The following MARCHF1 variants were observed in gnomAD, a reference collection of about 807,000 sequenced individuals.
MARCHF1 encodes the protein E3 ubiquitin-protein ligase MARCHF1.
Under a neutral mutation model 54.2 loss-of-function variants are expected in MARCHF1, and 40 were observed. That is an observed-to-expected ratio of 0.74 (90% CI 0.57 to 0.96). The LOEUF (loss-of-function observed/expected upper bound fraction) is 0.96, where lower values mean the gene tolerates loss of function less well. Ranked by LOEUF, MARCHF1 falls within the 40% of genes least tolerant of loss-of-function variation. MARCHF1 has a pLI of 0.00. For synonymous variants in MARCHF1, 236 were observed against 236.3 expected (o/e 1.00, Z 0.01); for missense variants, 586 against 656.5 (o/e 0.89, Z 1.17).
chr4:163,839,614 T>C (rs561299200), intron 4 of MARCHF1, among the ~76,000 whole-genome samples: 1 of 152,240 alleles, frequency 6.6e-6, no homozygotes, highest in East Asian at 1.9e-4. Context: ...GACTACATAT[T>C]GCATGATTCA....
At chr4:163,795,108 T>G (rs189996181) in intron 4 of MARCHF1, among the ~76,000 whole-genome samples, 8 of 152,234 alleles carry the variant, frequency 5.3e-5, no homozygotes, top group Non-Finnish European at 7.3e-5. Context: ...ATTTGTGAAA[T>G]TGATTTATCC....
chr4:164,225,509 C>T (rs1194427643), intron 1 of MARCHF1, among the ~76,000 whole-genome samples: 1 of 151,962 alleles, frequency 6.6e-6, no homozygotes, highest in Non-Finnish European at 1.5e-5. Flanking sequence ...GAAAAATGCA[C>T]TGTAATAATT....
At chr4:163,981,685 T>C (rs1011204566) in intron 3 of MARCHF1, among the ~76,000 whole-genome samples, 4 of 152,142 alleles carry the variant, frequency 2.6e-5, no homozygotes, top group Admixed American at 2.6e-4. Flanking sequence ...CATGCTGGCA[T>C]TGTCAGTGCT....
At chr4:163,802,768 G>A (rs1439794437) in intron 4 of MARCHF1, among the ~76,000 whole-genome samples, 1 of 152,160 alleles carries the variant, frequency 6.6e-6, no homozygotes, top group South Asian at 2.1e-4. Flanking sequence ...AAGAAAGATA[G>A]ATAACAAAAT....
intron 1 of MARCHF1, among the ~76,000 whole-genome samples, chr4:164,266,162 T>C (rs935140058): frequency 3.9e-5 from 6 of 152,168 alleles, no homozygotes; most frequent in African/African-American, 7.2e-5. Flanking sequence ...TCATGAACAC[T>C]ATCTGGTATG....
chr4:163,844,456 G>A (rs1329546218), intron 4 of MARCHF1, among the ~76,000 whole-genome samples: 4 of 151,836 alleles, frequency 2.6e-5, no homozygotes, highest in African/African-American at 9.7e-5. Context: ...TTTTGTTTTT[G>A]TTGCAACTGC....
chr4:163,874,826 C>T (rs1477772090), intron 3 of MARCHF1, among the ~76,000 whole-genome samples: 1 of 152,074 alleles, frequency 6.6e-6, no homozygotes, highest in Non-Finnish European at 1.5e-5. Context: ...CACTGAGTTG[C>T]TAAAATGCCC....
chr4:163,529,633 A>G (rs191069120), intron 9 of MARCHF1: 2 of 152,060 alleles, frequency 1.3e-5, no homozygotes, highest in African/African-American at 2.4e-5. Context: ...AAGATTTAGG[A>G]TTTTAGCCAT....
intron 2 of MARCHF1, among the ~76,000 whole-genome samples, chr4:164,050,688 GT>G (rs11317512): frequency 0.23 from 34,837 of 151,978 alleles, 4,072 homozygotes; most frequent in Middle Eastern, 0.41. Context: ...ATATCCGCAA[GT>G]TGGGAGGCTA....
In MARCHF1 at chr4:163,585,736, A is replaced by G. The variant is rs113680459; in HGVS notation, c.1191+13T>C. 7.9e-5 allele frequency: 123 copies of G among 1,547,938 alleles called. 2 individuals carry two copies. In the African/African-American group the frequency reaches 1.4e-3, roughly 17 times the overall value. ...AATGGTCCCTCCCAAACCAATTCCT[A>G]TGGATACTGTACCTTCCGGAGGGGT... On this transcript the variant is annotated intron_variant, in intron 8 of 9. Coordinates refer to ENST00000514618, the MANE Select transcript of MARCHF1 (RefSeq NM_001394959.1).
chr4:163,788,184 TA>T (rs201109168), intron 4 of MARCHF1, among the ~76,000 whole-genome samples: 3,372 of 152,002 alleles, frequency 0.022, 101 homozygotes, highest in African/African-American at 0.076. Flanking sequence ...AGCTGTACAT[TA>T]AAAAATGATT....
intron 1 of MARCHF1, among the ~76,000 whole-genome samples, chr4:164,240,043 G>C (rs1405996219): frequency 6.6e-6 from 1 of 152,130 alleles, no homozygotes; most frequent in Non-Finnish European, 1.5e-5. Context: ...CATTTTCTAG[G>C]TGCTAAGCAT....
intron 1 of MARCHF1, among the ~76,000 whole-genome samples, chr4:164,299,552 G>T (rs1331815495): frequency 6.6e-6 from 1 of 152,110 alleles, no homozygotes. Context: ...TTGGATTTTT[G>T]CCCACCAAAT....
At chr4:163,740,454 T>G (rs1746163377) in intron 4 of MARCHF1, among the ~76,000 whole-genome samples, 2 of 152,208 alleles carry the variant, frequency 1.3e-5, no homozygotes. Flanking sequence ...GCAATAGCAG[T>G]ACCCAGAGTG....
intron 3 of MARCHF1, among the ~76,000 whole-genome samples, chr4:163,975,715 A>G (rs1266372048): frequency 6.6e-6 from 1 of 152,342 alleles, no homozygotes; most frequent in Non-Finnish European, 1.5e-5. Flanking sequence ...TCTTAAGAGC[A>G]TCTCTGATTG....
At chr4:164,051,298 C>T (rs13123163) in intron 2 of MARCHF1, among the ~76,000 whole-genome samples, 16,480 of 152,202 alleles carry the variant, frequency 0.11, 1,063 homozygotes, top group Middle Eastern at 0.18. Context: ...TGCATAGCCA[C>T]TGAAATGCAT....
intron 3 of MARCHF1, among the ~76,000 whole-genome samples, chr4:163,928,562 A>C (rs1751588353): frequency 6.6e-6 from 1 of 152,036 alleles, no homozygotes; most frequent in Admixed American, 6.6e-5. Flanking sequence ...TCTTAACTGC[A>C]TTATCACAAT....
chr4:164,324,197 A>G (rs1735214845), intron 1 of MARCHF1, among the ~76,000 whole-genome samples: 1 of 151,916 alleles, frequency 6.6e-6, no homozygotes, highest in African/African-American at 2.4e-5. Flanking sequence ...TACAATTATA[A>G]CATTAGAAGT....
At chr4:163,727,460 G>C (rs944265120) in intron 4 of MARCHF1, among the ~76,000 whole-genome samples, 2 of 151,496 alleles carry the variant, frequency 1.3e-5, no homozygotes, top group Non-Finnish European at 2.9e-5. Context: ...GGCGCATGCC[G>C]CCATGCCTGG....
Sources: allele counts gnomAD v4.1 joint callset (sites outside exome capture counted in the v4.1 genomes callset), GRCh38; gene constraint gnomAD v4.1.1; transcripts MANE v1.5; gene names NCBI Gene and HGNC (gene_info 2026-07-23, HGNC 2026-07-21).